Variants in ANK3 observed in about 807,000 individuals in gnomAD.
The protein encoded by ANK3 is ankyrin-3.
ANK3 carries 57 observed loss-of-function variants against 370.9 expected under a neutral mutation model. The observed-to-expected ratio is 0.15, with a 90% CI of 0.12 to 0.19. The LOEUF is 0.19. ANK3 is among the 10% of genes least tolerant of loss of function. ANK3 has a pLI of 1.00. For synonymous variants in ANK3, 1,929 were observed against 1,946.3 expected, an observed-to-expected ratio of 0.99 and a Z score of 0.23; for missense variants, 4,439 against 5,302.1, an observed-to-expected ratio of 0.84 and a Z score of 5.06.
At chr10:60,566,825 T>A (rs1322870794) in intron 2 of ANK3, among the ~76,000 whole-genome samples, 1 of 152,152 alleles carries the variant, frequency 6.6e-6, no homozygotes, top group Non-Finnish European at 1.5e-5. Flanking sequence ...TGGTGAGCTA[T>A]GATCATGCCA....
chr10:60,275,108 C>T (rs1566171197), intron 4 of ANK3, among the ~76,000 whole-genome samples: 1 of 152,162 alleles, frequency 6.6e-6, no homozygotes, highest in Non-Finnish European at 1.5e-5. Context: ...AATTTCCTAA[C>T]TTAGAACATT....
At chr10:60,120,122 T>A (rs1451988760) in intron 25 of ANK3, among the ~76,000 whole-genome samples, 1 of 151,988 alleles carries the variant, frequency 6.6e-6, no homozygotes, top group East Asian at 1.9e-4. Flanking sequence ...GGCACATAGA[T>A]CAGTGGAACA....
At chr10:60,288,148 T>C (rs2040463328) in intron 1 of ANK3, among the ~76,000 whole-genome samples, 1 of 152,080 alleles carries the variant, frequency 6.6e-6, no homozygotes, top group Non-Finnish European at 1.5e-5. Context: ...GTAATAACAG[T>C]AATGCCCGGC....
At chr10:60,467,325 T>C (rs183194713) in intron 2 of ANK3, among the ~76,000 whole-genome samples, 10 of 152,264 alleles carry the variant, frequency 6.6e-5, no homozygotes, top group East Asian at 3.9e-4. Context: ...CATTAACATA[T>C]AGTTGCTCTT....
At chr10:60,530,295 GTTTA>G (rs1353559525) in intron 2 of ANK3, among the ~76,000 whole-genome samples, 1 of 152,086 alleles carries the variant, frequency 6.6e-6, no homozygotes, top group African/African-American at 2.4e-5. Flanking sequence ...CTGGAACCCT[GTTTA>G]TTTAATCAAG....
chr10:60,278,871 T>C lies in ANK3; in HGVS notation c.317A>G (p.Lys106Arg). 1 of 1,613,822 alleles carries C rather than the reference T, an allele frequency of 6.2e-7. No individual in the cohort carries two copies. The highest frequency in any genetic ancestry group is 1.7e-4 in the Middle Eastern group (1 of 6,056). Residue 106 changes from lysine to arginine, a missense_variant and splice_region_variant, in exon 4 of 44, where the codon AAA (lysine) becomes AGA (arginine). By Grantham distance (26) the Lys-to-Arg change is conservative. This residue lies in a region of ANK3 where 136 missense variants were observed against 230.5 expected (regional missense o/e 0.59). Coordinates refer to ENST00000280772, the MANE Select transcript of ANK3 (RefSeq NM_020987.5). ...REANVDAATK[K>R]GNTALHIASL... is the part of the protein sequence containing the mutation. ...TGCGATGTGCAATGCTGTGTTTCCT[T>C]TCTGTGAAATGAAAGTCAAGATATA...
In ANK3 at chr10:60,533,443, CTCT is replaced by C. The variant is rs556383852; in HGVS notation, c.96+81740_96+81742del. On this transcript the variant is annotated intron_variant, in intron 2 of 43. Transcript: ENST00000373827. Reference sequence around the variant, plus strand: ...AATCTTCTAAATCCCAGGCTAGGCACTCTTCTTCTCCAAAACACTCCTCCACAC... The same window carrying C: ...AATCTTCTAAATCCCAGGCTAGGCACTCTTCTCCAAAACACTCCTCCACAC... 1.5e-3 allele frequency among the ~76,000 whole-genome samples: 232 copies of C among 152,236 alleles called. 1 individual carries two copies. The highest frequency in any genetic ancestry group is 5.2e-3 in the African/African-American group (215 of 41,562).
Position 60,063,248 on chromosome 10 carries a change from G to C in ANK3, c.12458C>G (p.Ala4153Gly). 6.2e-7 allele frequency: 1 copy of C among 1,605,812 alleles called. No homozygotes were observed. ...TRDGKNATTD[A>G]LTSVLTKINR... ...AATTTTTGTCAAGACCGAAGTTAAG[G>C]CATCAGCTGAAAAGGAGAAAAAAAG... Residue 4153 changes from alanine to glycine, a missense_variant, in exon 40 of 44, where the codon GCC (alanine) becomes GGC (glycine). By Grantham distance (60) the Ala-to-Gly change is moderately conservative. Around this residue, in one of 13 missense-constraint regions of ANK3, gnomAD observed 99 missense variants for 150.7 expected, o/e 0.66. Transcript: ENST00000280772.
In ANK3 at chr10:60,638,649, G is replaced by A. The variant is rs536972187; in HGVS notation, c.58-23425C>T. On this transcript the variant is annotated intron_variant, in intron 1 of 43. Coordinates refer to the ANK3 transcript ENST00000373827. ...TTATAAATATTCTCAAGCCTATAAA[G>A]GAAAATACAACCATAATAAAGAGAG... is the stretch of plus-strand genomic sequence containing the variant. Among the ~76,000 whole-genome samples the A allele has an allele frequency of 1.4e-4, 22 of 151,734 alleles. No individual in the cohort carries two copies. In the South Asian group the frequency reaches 4.6e-3, roughly 32 times the overall value.
intron 1 of ANK3, among the ~76,000 whole-genome samples, chr10:60,699,525 T>C (rs1485633872): frequency 6.6e-6 from 1 of 151,930 alleles, no homozygotes; most frequent in Non-Finnish European, 1.5e-5. Context: ...CTGAAACCAA[T>C]AAAAAAATTC....
chr10:60,655,817 G>T (rs2078855858), intron 1 of ANK3, among the ~76,000 whole-genome samples: 1 of 152,094 alleles, frequency 6.6e-6, no homozygotes, highest in African/African-American at 2.4e-5. Flanking sequence ...GCCCTACACA[G>T]GTGTACCACT....
At position 60,134,467 on chromosome 10, in the gene ANK3, T is replaced by C. The variant is rs2094240445; in HGVS notation, c.2739-94A>G. 13 of 847,530 alleles carry C rather than the reference T, an allele frequency of 1.5e-5. No homozygotes were observed. In the South Asian group the frequency reaches 2.3e-4, roughly 15 times the overall value. The allele number at this position is 847,530 out of a possible 1,614,324, so 52.5% of individuals were successfully genotyped here. A position where few individuals can be genotyped will look rare whatever the true frequency, so the allele number is the denominator to read the frequency against. On this transcript the variant is annotated intron_variant, in intron 24 of 43. Coordinates refer to ENST00000280772, the MANE Select transcript of ANK3 (RefSeq NM_020987.5). ...CATGCAACTTTAAGAACAGGCAAGA[T>C]GGCTAAAAATATCAACAAAAGTTGT...
At chr10:60,155,310 A>C (rs2095296849) in intron 23 of ANK3, among the ~76,000 whole-genome samples, 1 of 152,168 alleles carries the variant, frequency 6.6e-6, no homozygotes, top group Non-Finnish European at 1.5e-5. Flanking sequence ...GGAGCTCAGC[A>C]CTGCCCTGTC....
At chr10:60,428,752 C>T (rs1208248505) in intron 2 of ANK3, among the ~76,000 whole-genome samples, 1 of 152,120 alleles carries the variant, frequency 6.6e-6, no homozygotes, top group East Asian at 1.9e-4. Context: ...AACAAGGTTT[C>T]CATGGACATA....
chr10:60,606,378 C>A (rs150321710), intron 2 of ANK3, among the ~76,000 whole-genome samples: 1 of 151,752 alleles, frequency 6.6e-6, no homozygotes, highest in African/African-American at 2.4e-5. Context: ...TACACAGGAT[C>A]CTTTCTAAAA....
intron 1 of ANK3, among the ~76,000 whole-genome samples, chr10:60,336,185 G>A (rs2052822912): frequency 6.6e-6 from 1 of 152,088 alleles, no homozygotes; most frequent in Non-Finnish European, 1.5e-5. Context: ...CAAAAGGTGA[G>A]GTTAAAAGGG....
intron 15 of ANK3, 93 bp from the exon 16 acceptor site, chr10:60,196,336 T>C (rs2096584949): frequency 1.5e-5 from 17 of 1,172,156 alleles, no homozygotes; most frequent in African/African-American, 1.5e-5. Context: ...GGATACGACA[T>C]AGGGCATATT....
At chr10:60,254,415 C>T (rs1183615165) in intron 7 of ANK3, among the ~76,000 whole-genome samples, 1 of 152,190 alleles carries the variant, frequency 6.6e-6, no homozygotes, top group Non-Finnish European at 1.5e-5. Context: ...TTGCCACACT[C>T]TTACTGGAGC....
chr10:60,207,450 A>G (rs1011254925), intron 10 of ANK3, among the ~76,000 whole-genome samples: 3 of 152,130 alleles, frequency 2.0e-5, no homozygotes, highest in Non-Finnish European at 2.9e-5. Context: ...GGGACCATTT[A>G]TTTTTGCAAA....
Sources: allele counts gnomAD v4.1 joint callset (sites outside exome capture counted in the v4.1 genomes callset), GRCh38; gene constraint gnomAD v4.1.1; regional missense constraint gnomAD v4.1.1; transcripts MANE v1.5; gene names NCBI Gene and HGNC (gene_info 2026-07-23, HGNC 2026-07-21).